STK3: variants seen among roughly 807,000 people sequenced by gnomAD.
The protein encoded by STK3 is serine/threonine kinase 3.
STK3 carries 41 observed loss-of-function variants against 58.0 expected under a neutral mutation model. The observed-to-expected ratio is 0.71, with a 90% CI of 0.55 to 0.92. The LOEUF is 0.92. Among genes scored for constraint, STK3 ranks in the 40% least tolerant of loss-of-function variants. The pLI, the probability that STK3 is intolerant of heterozygous loss-of-function variation, is 0.00. For missense variants in STK3, 479 were observed against 602.7 expected, an observed-to-expected ratio of 0.79 and a Z score of 2.15; for synonymous variants, 170 against 191.0, an observed-to-expected ratio of 0.89 and a Z score of 0.91.
At chr8:98,646,725 T>G (rs1215867063) in intron 6 of STK3, among the ~76,000 whole-genome samples, 1 of 152,152 alleles carries the variant, frequency 6.6e-6, no homozygotes, top group African/African-American at 2.4e-5. Flanking sequence ...CCAGCTAACT[T>G]CACTCTTCTT....
At chr8:98,390,326 C>T, upstream of STK3, among the ~76,000 whole-genome samples, 1 of 152,128 alleles carries the variant, frequency 6.6e-6, no homozygotes, top group Non-Finnish European at 1.5e-5. Flanking sequence ...CAGTTCTTTT[C>T]TTTCAGCACT....
At chr8:98,709,055 A>G (rs1826192293) in intron 4 of STK3, among the ~76,000 whole-genome samples, 1 of 152,066 alleles carries the variant, frequency 6.6e-6, no homozygotes, top group African/African-American at 2.4e-5. Flanking sequence ...TTAAGCACAA[A>G]TGTCCAAAGA....
intron 10 of STK3, among the ~76,000 whole-genome samples, chr8:98,517,593 G>T (rs972770095): frequency 2.0e-5 from 3 of 152,214 alleles, no homozygotes; most frequent in Non-Finnish European, 4.4e-5. Context: ...CCTGAATTAA[G>T]TATAAAATTA....
At chr8:98,410,300 C>G (rs981949495) in intron 3 of STK3, among the ~76,000 whole-genome samples, 1 of 152,174 alleles carries the variant, frequency 6.6e-6, no homozygotes, top group South Asian at 2.1e-4. Flanking sequence ...GCCGTCCTCT[C>G]GCCTTCATCT....
chr8:98,382,808 T>C (rs1817750703), intron 1 of STK3, among the ~76,000 whole-genome samples: 1 of 152,176 alleles, frequency 6.6e-6, no homozygotes, highest in Non-Finnish European at 1.5e-5. Context: ...GCCCAACTGA[T>C]ACGGCCGGTT....
intron 10 of STK3, among the ~76,000 whole-genome samples, chr8:98,504,428 C>T (rs2131375925): frequency 6.6e-6 from 1 of 152,284 alleles, no homozygotes; most frequent in South Asian, 2.1e-4. Context: ...TTGATCCTGT[C>T]ATTATGATGT....
intron 1 of STK3, among the ~76,000 whole-genome samples, chr8:98,933,355 T>G (rs1840071670): frequency 6.6e-6 from 1 of 152,236 alleles, no homozygotes; most frequent in Admixed American, 6.5e-5. Flanking sequence ...TTTTAAAATA[T>G]TGTAAGCACT....
intron 8 of STK3, among the ~76,000 whole-genome samples, chr8:98,573,623 A>G (rs1239204676): frequency 1.3e-5 from 2 of 152,056 alleles, no homozygotes; most frequent in Non-Finnish European, 2.9e-5. Context: ...TCACATTTCA[A>G]AACACAATCA....
At chr8:98,666,273 T>C (rs1822357776) in intron 6 of STK3, among the ~76,000 whole-genome samples, 1 of 151,788 alleles carries the variant, frequency 6.6e-6, no homozygotes, top group Non-Finnish European at 1.5e-5. Context: ...TAGAATAAAG[T>C]AATATACAAG....
At chr8:98,911,933 C>G (rs1281722513) in intron 1 of STK3, among the ~76,000 whole-genome samples, 4 of 152,136 alleles carry the variant, frequency 2.6e-5, no homozygotes, top group Non-Finnish European at 4.4e-5. Context: ...TAGATTACTT[C>G]CAGTCCAAAT....
chr8:98,556,347 C>T (rs1330051363), intron 8 of STK3, among the ~76,000 whole-genome samples: 1 of 151,940 alleles, frequency 6.6e-6, no homozygotes, highest in African/African-American at 2.4e-5. Flanking sequence ...GAGATAAAAT[C>T]TAGCCAAACG....
intron 3 of STK3, among the ~76,000 whole-genome samples, chr8:98,421,431 T>C (rs2131055745): frequency 6.6e-6 from 1 of 152,284 alleles, no homozygotes; most frequent in East Asian, 1.9e-4. Flanking sequence ...TCTTGTTCAT[T>C]TCCTTTGTGG....
intron 8 of STK3, among the ~76,000 whole-genome samples, chr8:98,574,405 G>T (rs910534406): frequency 1.3e-5 from 2 of 152,098 alleles, no homozygotes; most frequent in South Asian, 2.1e-4. Flanking sequence ...GGAAATTATG[G>T]TCTAAATATC....
intron 3 of STK3, among the ~76,000 whole-genome samples, chr8:98,843,380 C>A (rs1427042323): frequency 6.6e-6 from 1 of 152,138 alleles, no homozygotes; most frequent in Non-Finnish European, 1.5e-5. Context: ...GTTGGTGGCT[C>A]AGTACTGACA....
chr8:98,893,492 GAA>G lies in STK3; in HGVS notation c.-78-9660_-78-9659del, dbSNP rs1183567041. Among the ~76,000 whole-genome samples the G allele has an allele frequency of 4.1e-3, 358 of 86,738 alleles. 2 individuals are homozygous for G. Among genetic ancestry groups the G allele is most frequent in the South Asian group, 7.7e-3 (19 of 2,458 alleles). 56.9% of individuals were successfully genotyped at this position (86,738 alleles called of 152,430 possible). ...AAAGAAAGAAAGAAAGAAAGAGAAA[GAA>G]AGAAAGAAAGAAAGAAAGAAAGAAA... On this transcript the variant is annotated intron_variant, in intron 1 of 1. Coordinates refer to the STK3 transcript ENST00000519420.
At chr8:98,650,421 T>C (rs1488229386) in intron 6 of STK3, among the ~76,000 whole-genome samples, 1 of 152,192 alleles carries the variant, frequency 6.6e-6, no homozygotes, top group Non-Finnish European at 1.5e-5. Context: ...ACACAGAAGA[T>C]GGGTGATTTC....
intron 6 of STK3, among the ~76,000 whole-genome samples, chr8:98,641,578 C>T (rs531012587): frequency 6.6e-6 from 1 of 152,092 alleles, no homozygotes; most frequent in South Asian, 2.1e-4. Context: ...CTCATGTTGC[C>T]AATTTACCAA....
chr8:98,563,315 G>T (rs1563743500), intron 8 of STK3, among the ~76,000 whole-genome samples: 1 of 152,034 alleles, frequency 6.6e-6, no homozygotes, highest in Non-Finnish European at 1.5e-5. Context: ...ACAAGCAAGA[G>T]GACCCATCTA....
At chr8:98,516,257 G>A (rs759058683) in intron 10 of STK3, among the ~76,000 whole-genome samples, 8 of 151,998 alleles carry the variant, frequency 5.3e-5, no homozygotes, top group Non-Finnish European at 1.0e-4. Context: ...CATAGACAAG[G>A]AAGAAATTCT....
Sources: allele counts gnomAD v4.1 joint callset (sites outside exome capture counted in the v4.1 genomes callset), GRCh38; gene constraint gnomAD v4.1.1; transcripts MANE v1.5; gene names NCBI Gene and HGNC (gene_info 2026-07-23, HGNC 2026-07-21).